The following TNS3 variants were observed in gnomAD, a reference collection of about 807,000 sequenced individuals.
The protein encoded by TNS3 is tensin-3.
In TNS3, 45 loss-of-function variants were observed where a neutral mutation model predicts 140.9. The observed-to-expected ratio is 0.32, with a 90% CI of 0.25 to 0.41. TNS3 has a LOEUF of 0.41. TNS3 is among the 10% of genes least tolerant of loss of function. The pLI is 1.00. For synonymous variants in TNS3, 815 were observed against 788.4 expected (o/e 1.03, Z -0.56); for missense variants, 1,716 against 1,906.7 (o/e 0.90, Z 1.86).
Position 47,441,274 on chromosome 7 carries a change from G to A in TNS3, c.-23+729C>T, listed in dbSNP as rs188256625. On this transcript the variant is annotated intron_variant, in intron 5 of 30. Transcript: ENST00000311160. ...GCTTACTGCAGTCTCTGCCTCCTGG[G>A]TTAAAGGGATTCTCCTGCCTCAGCC... 3.0e-3 allele frequency among the ~76,000 whole-genome samples: 450 copies of A among 152,276 alleles called. 2 individuals carry two copies. Among genetic ancestry groups the A allele is most frequent in the African/African-American group, 0.01 (423 of 41,556 alleles).
At chr7:47,327,161 C>T (rs963571924) in intron 20 of TNS3, among the ~76,000 whole-genome samples, 4 of 152,234 alleles carry the variant, frequency 2.6e-5, no homozygotes. Flanking sequence ...GCCCCAGCCC[C>T]AGTTCAGACA....
chr7:47,372,217 G>A (rs901954127), intron 16 of TNS3, among the ~76,000 whole-genome samples: 2 of 152,172 alleles, frequency 1.3e-5, no homozygotes, highest in African/African-American at 2.4e-5. Context: ...CACGCCTGGC[G>A]GGCAGCCAGG....
chr7:47,451,403 A>G (rs1174209103), intron 4 of TNS3, among the ~76,000 whole-genome samples: 10 of 152,338 alleles, frequency 6.6e-5, no homozygotes, highest in Non-Finnish European at 4.4e-5. Context: ...AACATGGCGA[A>G]ATCCTGTCTC....
chr7:47,361,418 G>T (rs1235639556), intron 17 of TNS3, among the ~76,000 whole-genome samples: 1 of 152,000 alleles, frequency 6.6e-6, no homozygotes, highest in East Asian at 1.9e-4. Context: ...GCCTGGTAAG[G>T]ATCCCTCTGC....
upstream of TNS3, chr7:47,582,290 C>T (rs574373414): frequency 1.6e-4 from 61 of 372,686 alleles, no homozygotes; most frequent in Middle Eastern, 9.8e-4. Flanking sequence ...ACCGGGGTCC[C>T]CCGCCCTGCC....
At chr7:47,414,530 C>T (rs1436566973) in intron 11 of TNS3, among the ~76,000 whole-genome samples, 3 of 152,150 alleles carry the variant, frequency 2.0e-5, no homozygotes, top group Non-Finnish European at 4.4e-5. Flanking sequence ...CGGCCATATA[C>T]TCTGTGCACC....
intron 7 of TNS3, among the ~76,000 whole-genome samples, 177 bp downstream of exon 7, chr7:47,437,086 A>G (rs977094728): frequency 2.0e-5 from 3 of 152,260 alleles, no homozygotes; most frequent in African/African-American, 7.2e-5. Context: ...ACAACTTCCT[A>G]CGAATCTCTA....
At chr7:47,368,145 G>A (rs1790814464) in intron 17 of TNS3, among the ~76,000 whole-genome samples, 1 of 152,180 alleles carries the variant, frequency 6.6e-6, no homozygotes, top group South Asian at 2.1e-4. Context: ...CAAGTCTTCT[G>A]CCTGGTTCTT....
intron 22 of TNS3, 51 bp downstream of exon 22, chr7:47,302,899 C>T (rs3750166): frequency 0.084 from 129,660 of 1,542,946 alleles, 6,165 homozygotes; most frequent in African/African-American, 0.18. Flanking sequence ...CCCTTCCCTT[C>T]CCCAGTGAAT....
intron 1 of TNS3, chr7:47,581,436 G>C (rs1187568974): frequency 6.6e-6 from 1 of 151,880 alleles, no homozygotes; most frequent in African/African-American, 2.4e-5. Flanking sequence ...ACGCACTGGA[G>C]AGCTTGCCTA....
chr7:47,355,358 G>A (rs140953691), intron 17 of TNS3, among the ~76,000 whole-genome samples: 4 of 152,330 alleles, frequency 2.6e-5, no homozygotes, highest in South Asian at 2.1e-4. Flanking sequence ...GGTGGGGGAC[G>A]GTCCTGACAG....
At chr7:47,506,853 A>G (rs1174357646) in intron 3 of TNS3, 54 bp downstream of exon 3, 27 of 1,261,586 alleles carry the variant, frequency 2.1e-5, no homozygotes, top group East Asian at 1.1e-4. Context: ...ATATCATTCA[A>G]TGAAGGCCAA....
chr7:47,474,656 C>A (rs1797107199), intron 4 of TNS3, among the ~76,000 whole-genome samples: 1 of 147,580 alleles, frequency 6.8e-6, no homozygotes, highest in African/African-American at 2.5e-5. Context: ...ACAACACACA[C>A]AAAAAACACC....
Position 47,506,905 on chromosome 7 carries a change from A to C in TNS3, c.-115+2T>G. The C allele has an allele frequency of 7.8e-7, 1 of 1,289,604 alleles. No individual in the cohort carries two copies. Among genetic ancestry groups the C allele is most frequent in the Non-Finnish European group, 1.0e-6 (1 of 988,736 alleles). The allele number at this position is 1,289,604 out of a possible 1,614,324, so 79.9% of individuals were successfully genotyped here. ...CCCATGGGAAAGCAACGGAATGCTT[A>C]CCTTGGCTTCACATTTCTTGTGGCA... On this transcript the variant is annotated splice_donor_variant, in intron 3 of 30. Coordinates refer to ENST00000311160, the MANE Select transcript of TNS3 (RefSeq NM_022748.12). LOFTEE classifies it low-confidence loss of function (5UTR_SPLICE).
At chr7:47,464,433 G>GTAA (rs1484270224) in intron 4 of TNS3, among the ~76,000 whole-genome samples, 1 of 152,142 alleles carries the variant, frequency 6.6e-6, no homozygotes, top group Admixed American at 6.5e-5. Context: ...CGAGTTCTCA[G>GTAA]TAACCCTACG....
intron 22 of TNS3, 112 bp downstream of exon 22, chr7:47,302,838 C>A (rs1304067370): frequency 2.1e-6 from 3 of 1,413,168 alleles, no homozygotes; most frequent in Non-Finnish European, 2.9e-6. Flanking sequence ...ATTTCCTCTC[C>A]AGGTGCCCAG....
chr7:47,352,378 GCA>G (rs1432482386), intron 17 of TNS3, among the ~76,000 whole-genome samples: 2 of 152,110 alleles, frequency 1.3e-5, no homozygotes, highest in Non-Finnish European at 2.9e-5. Flanking sequence ...TCACACTCAC[GCA>G]CAGTCTCACA....
intron 4 of TNS3, among the ~76,000 whole-genome samples, chr7:47,444,566 G>T (rs1795631016): frequency 6.6e-6 from 1 of 152,182 alleles, no homozygotes. Flanking sequence ...GGCCCTGACG[G>T]CAGGAGGGAA....
In TNS3 at chr7:47,575,749, G is replaced by A. The variant is rs1005036633; in HGVS notation, c.-265+6302C>T. 1.3e-4 allele frequency among the ~76,000 whole-genome samples: 19 copies of A among 151,042 alleles called. No homozygotes were observed. The East Asian group carries it at 3.7e-3, about 29-fold the overall frequency. On this transcript the variant is annotated intron_variant, in intron 1 of 30. Coordinates refer to ENST00000311160, the MANE Select transcript of TNS3 (RefSeq NM_022748.12). ...GAGGCAGGAGAATGGCGTGAACCCG[G>A]GAGGCAGATCTTGCAGTAAGCTGAG... is the stretch of plus-strand genomic sequence containing the variant.
Sources: allele counts gnomAD v4.1 joint callset (sites outside exome capture counted in the v4.1 genomes callset), GRCh38; gene constraint gnomAD v4.1.1; transcripts MANE v1.5; gene names NCBI Gene and HGNC (gene_info 2026-07-23, HGNC 2026-07-21).